Variants in DTNA observed in about 807,000 individuals in gnomAD.
The protein encoded by DTNA is dystrobrevin alpha, also known as dystrophin-related protein 3.
Under a neutral mutation model 100.7 loss-of-function variants are expected in DTNA, and 43 were observed. The ratio of observed to expected loss-of-function variants is 0.43; its 90% CI spans 0.33 to 0.55. The LOEUF is 0.55. Among genes scored for constraint, DTNA ranks in the 20% least tolerant of loss-of-function variants. The pLI, the probability that DTNA is intolerant of heterozygous loss-of-function variation, is 0.04. For missense variants in DTNA, 798 were observed against 953.9 expected, an observed-to-expected ratio of 0.84 and a Z score of 2.15; for synonymous variants, 349 against 347.9, an observed-to-expected ratio of 1.00 and a Z score of -0.04.
intron 1 of DTNA, among the ~76,000 whole-genome samples, chr18:34,668,104 C>A: frequency 6.6e-6 from 1 of 152,156 alleles, no homozygotes; most frequent in East Asian, 1.9e-4. Flanking sequence ...AATTTCAGAG[C>A]CTGTTACTGG....
At chr18:34,689,441 C>A (rs1201455025) in intron 1 of DTNA, among the ~76,000 whole-genome samples, 1 of 152,176 alleles carries the variant, frequency 6.6e-6, no homozygotes, top group Non-Finnish European at 1.5e-5. Context: ...AGGTCCACTC[C>A]AGACCCTGTT....
In DTNA at chr18:34,857,988, A is replaced by G. The variant is rs545447009; in HGVS notation, c.1533-297A>G. Reference sequence around the variant, plus strand: ...TTACTTGCTAGTAGTAATGCATTACATTACTTGCTAGAGAGATGACTGGAC... The same window carrying G: ...TTACTTGCTAGTAGTAATGCATTACGTTACTTGCTAGAGAGATGACTGGAC... On this transcript the variant is annotated intron_variant, in intron 15 of 22. Coordinates refer to ENST00000444659, the MANE Select transcript of DTNA (RefSeq NM_001386795.1). Among the ~76,000 whole-genome samples the G allele has an allele frequency of 1.7e-4, 26 of 152,262 alleles. 1 individual carries two copies. The South Asian group carries it at 5.2e-3, about 30-fold the overall frequency.
At chr18:34,884,443 T>C (rs1053995410) in intron 21 of DTNA, among the ~76,000 whole-genome samples, 1 of 152,222 alleles carries the variant, frequency 6.6e-6, no homozygotes, top group African/African-American at 2.4e-5. Context: ...TTCTTTTCCG[T>C]GCCTCATGAC....
rs79500711 is a variant in DTNA, at chr18:34,794,379, A to G, written c.362+129A>G. 0.086 allele frequency: 87,518 copies of G among 1,018,154 alleles called. 4,446 individuals carry two copies. The highest frequency in any genetic ancestry group is 0.13 in the Admixed American group (5,698 of 45,218). The allele number at this position is 1,018,154 out of a possible 1,614,324, so 63.1% of individuals were successfully genotyped here. A position where few individuals can be genotyped will look rare whatever the true frequency, so the allele number is the denominator to read the frequency against. On this transcript the variant is annotated intron_variant, in intron 4 of 22. Coordinates refer to ENST00000444659, the MANE Select transcript of DTNA (RefSeq NM_001386795.1). ...TTTACTCTCTTTTTTCTTACAGTGG[A>G]TGCTTATGTCAGTAAAGTCTCCATG...
intron 1 of DTNA, among the ~76,000 whole-genome samples, chr18:34,671,827 C>T (rs2076798234): frequency 6.6e-6 from 1 of 152,140 alleles, no homozygotes; most frequent in African/African-American, 2.4e-5. Context: ...CCAGATCACA[C>T]TGTATCAGTC....
chr18:34,881,941 G>A, intron 20 of DTNA, 128 bp from the exon 21 acceptor site: 3 of 1,279,572 alleles, frequency 2.3e-6, no homozygotes, highest in Non-Finnish European at 3.4e-6. Flanking sequence ...TACTAAAGAA[G>A]ACATGAAAGT....
At chr18:34,715,499 A>AAAC (rs35428878) in intron 1 of DTNA, among the ~76,000 whole-genome samples, 17,875 of 151,966 alleles carry the variant, frequency 0.12, 1,548 homozygotes, top group African/African-American at 0.24. Flanking sequence ...TATTTTAAAT[A>AAAC]AACAATATTT....
chr18:34,696,575 T>C (rs1448642071), intron 1 of DTNA, among the ~76,000 whole-genome samples: 1 of 151,892 alleles, frequency 6.6e-6, no homozygotes, highest in Non-Finnish European at 1.5e-5. Context: ...AGACTCCATC[T>C]CAAAAAATAA....
chr18:34,660,027 T>C (rs1181551008), intron 1 of DTNA, among the ~76,000 whole-genome samples: 3 of 152,206 alleles, frequency 2.0e-5, no homozygotes, highest in African/African-American at 7.2e-5. Context: ...TTCAGTTCTT[T>C]AAATTATCTG....
At chr18:34,869,944 C>G (rs1014016660) in intron 17 of DTNA, among the ~76,000 whole-genome samples, 5 of 152,272 alleles carry the variant, frequency 3.3e-5, no homozygotes, top group East Asian at 3.9e-4. Context: ...TGGCATGAAC[C>G]CGGGAGGCGG....
chr18:34,603,411 T>G (rs961797313), intron 1 of DTNA, among the ~76,000 whole-genome samples: 1 of 152,182 alleles, frequency 6.6e-6, no homozygotes, highest in African/African-American at 2.4e-5. Context: ...CTCTTTTTTT[T>G]TAGCAGTTTT....
intron 9 of DTNA, 101 bp from the exon 10 acceptor site, chr18:34,827,492 C>A: frequency 9.4e-7 from 1 of 1,060,330 alleles, no homozygotes; most frequent in Non-Finnish European, 1.5e-6. Context: ...AAAGGTAGAA[C>A]CCAGATCTTC....
At chr18:34,692,006 C>T (rs150504994) in intron 1 of DTNA, among the ~76,000 whole-genome samples, 3 of 152,288 alleles carry the variant, frequency 2.0e-5, no homozygotes, top group Admixed American at 1.3e-4. Flanking sequence ...GAAAATCAAC[C>T]TTCATTATCA....
At chr18:34,870,260 C>T (rs945712647) in intron 17 of DTNA, among the ~76,000 whole-genome samples, 2 of 152,198 alleles carry the variant, frequency 1.3e-5, no homozygotes, top group African/African-American at 4.8e-5. Flanking sequence ...ATTCTCTTCT[C>T]TGTTTATAAC....
intron 1 of DTNA, among the ~76,000 whole-genome samples, chr18:34,602,920 C>T (rs1284716262): frequency 6.6e-6 from 1 of 151,590 alleles, no homozygotes; most frequent in East Asian, 1.9e-4. Context: ...GGAGAATCGC[C>T]TGAACCGGTG....
At chr18:34,672,705 A>G (rs2076918102) in intron 1 of DTNA, among the ~76,000 whole-genome samples, 1 of 152,204 alleles carries the variant, frequency 6.6e-6, no homozygotes, top group African/African-American at 2.4e-5. Flanking sequence ...CTGAATATGT[A>G]TAGATTGCTA....
chr18:34,732,729 T>C (rs1568350604), intron 1 of DTNA, among the ~76,000 whole-genome samples: 1 of 152,350 alleles, frequency 6.6e-6, no homozygotes, highest in African/African-American at 2.4e-5. Context: ...GCTATGTTAG[T>C]AGGAATATTA....
intron 1 of DTNA, among the ~76,000 whole-genome samples, chr18:34,742,008 G>A (rs1281359566): frequency 1.3e-5 from 2 of 152,138 alleles, no homozygotes; most frequent in Non-Finnish European, 2.9e-5. Flanking sequence ...CTAACTTGAA[G>A]ATAAAATTAA....
chr18:34,623,919 A>G (rs917433681), intron 1 of DTNA, among the ~76,000 whole-genome samples: 5 of 152,228 alleles, frequency 3.3e-5, no homozygotes, highest in African/African-American at 7.2e-5. Flanking sequence ...CTTTACACAG[A>G]TGTGGCGCTT....
Sources: gnomAD v4.1 joint callset for allele counts (sites outside exome capture counted in the v4.1 genomes callset) on GRCh38, gnomAD v4.1.1 for gene constraint, MANE v1.5 for transcripts, NCBI Gene and HGNC (gene_info 2026-07-23, HGNC 2026-07-21) for gene names.